RAB11FIP1: variants seen among roughly 807,000 people sequenced by gnomAD.
RAB11FIP1 encodes the protein rab11 family-interacting protein 1.
In RAB11FIP1, 49 loss-of-function variants were observed where a neutral mutation model predicts 83.1. That is an observed-to-expected ratio of 0.59 (90% CI 0.47 to 0.75). RAB11FIP1 has a LOEUF of 0.75. RAB11FIP1 is among the 30% of genes least tolerant of loss of function. The pLI is 0.00. For missense variants in RAB11FIP1, 1,536 were observed against 1,598.7 expected, an observed-to-expected ratio of 0.96 and a Z score of 0.67; for synonymous variants, 670 against 656.0, an observed-to-expected ratio of 1.02 and a Z score of -0.33.
intron 1 of RAB11FIP1, among the ~76,000 whole-genome samples, chr8:37,895,244 TA>T (rs1807049494): frequency 8.4e-5 from 1 of 11,930 alleles, no homozygotes; most frequent in East Asian, 2.6e-3. Context: ...TATATATATA[TA>T]TATATATATA....
Position 37,877,352 on chromosome 8 carries a change from C to A in RAB11FIP1, c.571G>T (p.Ala191Ser). The A allele has an allele frequency of 6.2e-7, 1 of 1,614,130 alleles. No homozygotes were observed. Among genetic ancestry groups the A allele is most frequent in the Non-Finnish European group, 8.5e-7 (1 of 1,179,988 alleles). The change falls in exon 2 of 6, where the codon GCC (alanine) becomes TCC (serine). Residue 191 changes from alanine (A) to serine (S), a missense_variant. Transcript: ENST00000330843. ...GAAGGTGTCGTGCTAGGGATGATGG[C>A]GGAGGCGGTGTCTGACCCACTGTCC... is the stretch of plus-strand genomic sequence containing the variant. ...NKDSGSDTAS[A>S]IIPSTTPSVD...
At position 37,859,163 on chromosome 8, in the gene RAB11FIP1, G is replaced by A. The variant is rs549379091; in HGVS notation, c.*3732C>T. 1 of 151,934 alleles carries A rather than the reference G, an allele frequency of 6.6e-6. No individual in the cohort carries two copies. The highest frequency in any genetic ancestry group is 2.4e-5 in the African/African-American group (1 of 41,200). The allele number at this position is 151,934 out of a possible 1,614,324, so 9.4% of individuals were successfully genotyped here. A position where few individuals can be genotyped will look rare whatever the true frequency, so the allele number is the denominator to read the frequency against. On this transcript the variant is annotated 3_prime_UTR_variant, in exon 6 of 6. Coordinates refer to ENST00000330843, the MANE Select transcript of RAB11FIP1 (RefSeq NM_001002814.3). ...TGGAGACACCATATGGAGATACGGA[G>A]TTAAGTTTGGTGGATACTAGGAATT...
Position 37,877,183 on chromosome 8 carries a change from AGCACTTTTTCTG to A in RAB11FIP1, c.728_739del (p.Pro243_Val246del). 6.2e-7 allele frequency: 1 copy of A among 1,614,210 alleles called. No individual in the cohort carries two copies. Among genetic ancestry groups the A allele is most frequent in the Non-Finnish European group, 8.5e-7 (1 of 1,180,036 alleles). On this transcript the variant is annotated inframe_deletion, in exon 2 of 6. Coordinates refer to ENST00000330843, the MANE Select transcript of RAB11FIP1 (RefSeq NM_001002814.3). ...GGACTGAAAGTCTCCGGGACGAAGC[AGCACTTTTTCTG>A]GCTTTGAAGTCGGCAGGACAGACAT...
At chr8:37,865,926 G>A (rs1030966309) in intron 5 of RAB11FIP1, among the ~76,000 whole-genome samples, 1 of 152,070 alleles carries the variant, frequency 6.6e-6, no homozygotes, top group Non-Finnish European at 1.5e-5. Context: ...ACACACTTAA[G>A]GTACTTCATA....
chr8:37,887,485 C>T (rs890733573), intron 1 of RAB11FIP1, among the ~76,000 whole-genome samples: 1 of 150,154 alleles, frequency 6.7e-6, no homozygotes, highest in African/African-American at 2.5e-5. Context: ...GAGCCAAGAT[C>T]GCGCCACGGC....
rs772511296 is a variant in RAB11FIP1 at position 37,886,508 on chromosome 8, G to A, written c.372-8957C>T. 2.4e-4 allele frequency among the ~76,000 whole-genome samples: 37 copies of A among 152,312 alleles called. 1 individual carries two copies. Among genetic ancestry groups the A allele is most frequent in the Middle Eastern group, 3.4e-3 (1 of 294 alleles). ...TCTGGGTTACCTCCACACTTTACATGTGTCAGTGTTAATTTCAAGGGATCA... is the reference window on the plus strand; with the variant it reads ...TCTGGGTTACCTCCACACTTTACATATGTCAGTGTTAATTTCAAGGGATCA... On this transcript the variant is annotated intron_variant, in intron 1 of 5. Transcript: ENST00000330843.
chr8:37,876,153 C>T (rs1806601451), intron 2 of RAB11FIP1, among the ~76,000 whole-genome samples: 1 of 150,958 alleles, frequency 6.6e-6, no homozygotes, highest in African/African-American at 2.4e-5. Flanking sequence ...CAAGATCGCA[C>T]CATTGCACTC....
In RAB11FIP1 at chr8:37,859,011, G is replaced by T. The variant is rs1359822663; in HGVS notation, c.*3884C>A. ...AAATGTTGGGTTACTTCTTAAAAAC[G>T]AAACCAAAGAAATTCAAAAGTCCCA... On this transcript the variant is annotated 3_prime_UTR_variant, in exon 6 of 6. Coordinates refer to ENST00000330843, the MANE Select transcript of RAB11FIP1 (RefSeq NM_001002814.3). 1 of 152,094 alleles carries T rather than the reference G, an allele frequency of 6.6e-6. No individual in the cohort carries two copies. Among genetic ancestry groups the T allele is most frequent in the African/African-American group, 2.4e-5 (1 of 41,412 alleles). The allele number at this position is 152,094 out of a possible 1,614,324, so 9.4% of individuals were successfully genotyped here.
intron 1 of RAB11FIP1, among the ~76,000 whole-genome samples, chr8:37,897,571 G>C (rs1027071904): frequency 6.6e-6 from 1 of 151,070 alleles, no homozygotes; most frequent in Non-Finnish European, 1.5e-5. Flanking sequence ...TAATATCATG[G>C]AGTGAATGGT....
chr8:37,872,932 T>C lies in RAB11FIP1; in HGVS notation c.1870A>G (p.Lys624Glu), dbSNP rs1316281483. The stretch of plus-strand genomic sequence containing the variant: ...GGGAGCAAGGGTGGTCCTTCAGACT[T>C]GGCCTGGCCCCTGTCTACGAGAGGC... ...SWPLVDRGQA[K>E]SEGPPLLPKA... The change falls in exon 4 of 6, where the codon AAG (lysine) becomes GAG (glutamate). Residue 624 changes from lysine to glutamate, a missense_variant. Coordinates refer to ENST00000330843, the MANE Select transcript of RAB11FIP1 (RefSeq NM_001002814.3). The C allele has an allele frequency of 6.2e-7, 1 of 1,614,224 alleles. No homozygotes were observed. Among genetic ancestry groups the C allele is most frequent in the Admixed American group, 1.7e-5 (1 of 60,026 alleles).
chr8:37,871,682 T>C lies in RAB11FIP1; in HGVS notation c.3120A>G (p.Thr1040=), dbSNP rs139755316. 1.9e-6 allele frequency: 3 copies of C among 1,613,854 alleles called. No homozygotes were observed. The African/African-American group carries it at 4.0e-5, about 22-fold the overall frequency. ...FRLQAPQASV[T]APSEQTTEFG... is the part of the protein sequence containing the mutation. The stretch of plus-strand genomic sequence containing the variant: ...ACTCTGTGGTCTGCTCTGAAGGAGC[T>C]GTCACAGATGCCTGGGGTGCTTGCA... The change falls in exon 4 of 6, where the codon ACA becomes ACG. Residue 1040 remains threonine, a synonymous_variant. Transcript: ENST00000330843.
intron 1 of RAB11FIP1, among the ~76,000 whole-genome samples, chr8:37,882,919 G>A (rs1331035906): frequency 1.3e-5 from 2 of 152,094 alleles, no homozygotes; most frequent in Non-Finnish European, 2.9e-5. Context: ...ATTTGCTTTG[G>A]AAACTTCCAA....
chr8:37,870,563 C>G, intron 4 of RAB11FIP1, 35 bp from the exon 5 acceptor site: 5 of 1,197,836 alleles, frequency 4.2e-6, no homozygotes, highest in Non-Finnish European at 6.1e-6. Context: ...TTAGACCCTC[C>G]GGTCATGGCA....
chr8:37,887,459 A>G (rs1204547046), intron 1 of RAB11FIP1, among the ~76,000 whole-genome samples: 2 of 151,832 alleles, frequency 1.3e-5, no homozygotes, highest in Admixed American at 6.6e-5. Flanking sequence ...TGAACCTGGA[A>G]AGTGGAGGTT....
At chr8:37,896,246 G>A (rs556498198) in intron 1 of RAB11FIP1, among the ~76,000 whole-genome samples, 63 of 151,720 alleles carry the variant, frequency 4.2e-4, no homozygotes, top group Non-Finnish European at 6.9e-4. Context: ...GGAGGCAGAG[G>A]TTTCAGTGAG....
At chr8:37,870,968 C>T (rs1192386792) in intron 4 of RAB11FIP1, 1 of 363,078 alleles carries the variant, frequency 2.8e-6, no homozygotes, top group Non-Finnish European at 5.0e-6. Context: ...ATACTACTAC[C>T]ACTCAATGCC....
At chr8:37,864,947 T>C (rs868326453) in intron 5 of RAB11FIP1, among the ~76,000 whole-genome samples, 1,804 of 115,618 alleles carry the variant, frequency 0.016, 38 homozygotes, top group African/African-American at 0.055. Context: ...TTTTTTTTTT[T>C]CCCCATAGAG....
chr8:37,872,535 G>A lies in RAB11FIP1; in HGVS notation c.2267C>T (p.Ala756Val), dbSNP rs761422046. ...AGGDRDLESQ[A>V]GSLVESKARD... ...GGCTTTGCTCTCCACAAGAGACCCAGCCTGACTCTCCAAGTCTCTGTCTCC... is the reference window on the plus strand; with the variant it reads ...GGCTTTGCTCTCCACAAGAGACCCAACCTGACTCTCCAAGTCTCTGTCTCC... Residue 756 changes from alanine to valine, a missense_variant, in exon 4 of 6, where the codon GCT becomes GTT. Physicochemically the swap from Ala to Val is moderately conservative, Grantham distance 64. Transcript: ENST00000330843. 6.2e-7 allele frequency: 1 copy of A among 1,614,204 alleles called. No individual in the cohort carries two copies. Among genetic ancestry groups the A allele is most frequent in the Non-Finnish European group, 8.5e-7 (1 of 1,180,034 alleles).
At chr8:37,895,218 AATATATATAT>A (rs1157101966) in intron 1 of RAB11FIP1, among the ~76,000 whole-genome samples, 203 of 13,688 alleles carry the variant, frequency 0.015, 8 homozygotes, top group Admixed American at 0.025. Flanking sequence ...GGTGCCTGCC[AATATATATAT>A]ATATATATAT....
Sources: allele counts gnomAD v4.1 joint callset (sites outside exome capture counted in the v4.1 genomes callset), GRCh38; gene constraint gnomAD v4.1.1; transcripts MANE v1.5; gene names NCBI Gene and HGNC (gene_info 2026-07-23, HGNC 2026-07-21).